Variants in AFF2 observed in about 807,000 individuals in gnomAD.
AFF2 encodes the protein ALF transcription elongation factor 2.
In AFF2, 14 loss-of-function variants were observed where a neutral mutation model predicts 76.9. The ratio of observed to expected loss-of-function variants is 0.18; its 90% CI spans 0.12 to 0.28. The LOEUF (loss-of-function observed/expected upper bound fraction) is 0.28. AFF2 is among the 10% of genes least tolerant of loss of function. The pLI is 1.00. For missense variants in AFF2, 868 were observed against 1,001.1 expected (o/e 0.87, Z 1.79); for synonymous variants, 398 against 366.7 (o/e 1.09, Z -0.98).
intron 15 of AFF2, 106 bp from the exon 16 acceptor site, chrX:148,973,365 G>T (rs890942029): frequency 1.0e-6 from 1 of 995,307 alleles, no homozygotes; most frequent in Non-Finnish European, 1.4e-6. Flanking sequence ...ATTGCCAAAT[G>T]TTCCCTGTGG....
chrX:148,806,250 G>A (rs973626324), intron 3 of AFF2, among the ~76,000 whole-genome samples: 7 of 112,366 alleles, frequency 6.2e-5, no homozygotes, highest in African/African-American at 1.9e-4. Context: ...ATTTGGGGCC[G>A]AGCCCCAGCC....
At position 148,834,414 on chromosome X, in the gene AFF2, G is replaced by A. The variant is rs2070494382; in HGVS notation, c.1087-3233G>A. 6.3e-5 allele frequency among the ~76,000 whole-genome samples: 7 copies of A among 111,023 alleles called. No individual in the cohort carries two copies. The South Asian group carries it at 2.7e-3, about 43-fold the overall frequency. On this transcript the variant is annotated intron_variant, in intron 4 of 20. Coordinates refer to ENST00000370460, the MANE Select transcript of AFF2 (RefSeq NM_002025.4). ...TTGCCCGTTGGGAATATGAATCCCTGCTTTCTGTCTCTCTCTGTCTCTCTC... is the reference window on the plus strand; with the variant it reads ...TTGCCCGTTGGGAATATGAATCCCTACTTTCTGTCTCTCTCTGTCTCTCTC...
At chrX:148,661,751 C>T (rs892978360) in intron 2 of AFF2, among the ~76,000 whole-genome samples, 157 bp from the exon 3 acceptor site, 2 of 111,209 alleles carry the variant, frequency 1.8e-5, no homozygotes, top group Admixed American at 9.6e-5. Context: ...TTTTTTCTTA[C>T]ATAGCACATG....
At chrX:148,896,507 A>G (rs782288447) in intron 8 of AFF2, among the ~76,000 whole-genome samples, 2 of 112,113 alleles carry the variant, frequency 1.8e-5, no homozygotes, top group African/African-American at 6.5e-5. Context: ...GGCAGCAACT[A>G]TCTTCCAACC....
At chrX:148,540,438 C>G (rs1557237342) in intron 1 of AFF2, among the ~76,000 whole-genome samples, 1 of 99,812 alleles carries the variant, frequency 1.0e-5, no homozygotes, top group African/African-American at 3.8e-5. Context: ...TTCTCAGAAT[C>G]TAAAAATGGA....
At chrX:148,926,469 A>G (rs2071652086) in intron 9 of AFF2, among the ~76,000 whole-genome samples, 2 of 111,519 alleles carry the variant, frequency 1.8e-5, no homozygotes, top group South Asian at 7.6e-4. Flanking sequence ...TGGCCGACTG[A>G]TGGTATAGTT....
At chrX:148,971,028 A>G (rs1305299349) in intron 15 of AFF2, among the ~76,000 whole-genome samples, 1 of 111,206 alleles carries the variant, frequency 9.0e-6, no homozygotes, top group Non-Finnish European at 1.9e-5. Context: ...AACAGCAACA[A>G]CAATGCCACA....
At chrX:148,803,390 G>A (rs2070086133) in intron 3 of AFF2, among the ~76,000 whole-genome samples, 1 of 110,984 alleles carries the variant, frequency 9.0e-6, no homozygotes, top group Non-Finnish European at 1.9e-5. Flanking sequence ...ACCCTACTCA[G>A]CTGGGGTATG....
intron 9 of AFF2, among the ~76,000 whole-genome samples, chrX:148,949,783 T>C (rs1423521228): frequency 8.9e-6 from 1 of 112,628 alleles, no homozygotes; most frequent in African/African-American, 3.2e-5. Flanking sequence ...TCAGACATTA[T>C]GTTTGTTGTA....
intron 3 of AFF2, among the ~76,000 whole-genome samples, chrX:148,748,594 A>G (rs1300929249): frequency 1.8e-5 from 2 of 111,932 alleles, no homozygotes; most frequent in Admixed American, 9.5e-5. Context: ...ATAAGCAGTC[A>G]GTGTGGTACT....
intron 3 of AFF2, among the ~76,000 whole-genome samples, chrX:148,761,259 T>C (rs141101999): frequency 7.2e-5 from 8 of 111,332 alleles, no homozygotes; most frequent in South Asian, 3.8e-4. Flanking sequence ...TTTGGAAACA[T>C]TGAGAGATTT....
intron 3 of AFF2, among the ~76,000 whole-genome samples, chrX:148,703,803 T>TA (rs1315877467): frequency 5.4e-5 from 6 of 111,475 alleles, no homozygotes; most frequent in Non-Finnish European, 7.5e-5. Flanking sequence ...CCACACATAG[T>TA]AAAAAACCCA....
chrX:148,693,701 A>G (rs1325845026), intron 3 of AFF2, among the ~76,000 whole-genome samples: 6 of 111,877 alleles, frequency 5.4e-5, no homozygotes, highest in African/African-American at 2.0e-4. Flanking sequence ...CTGTATATTG[A>G]TATAATTCTC....
At chrX:148,603,497 C>G (rs1217750538) in intron 1 of AFF2, among the ~76,000 whole-genome samples, 1 of 108,282 alleles carries the variant, frequency 9.2e-6, no homozygotes. Flanking sequence ...TTTGAAAACT[C>G]TGATGCCAGT....
intron 4 of AFF2, among the ~76,000 whole-genome samples, chrX:148,836,112 A>G (rs1418380135): frequency 8.9e-6 from 1 of 112,458 alleles, no homozygotes; most frequent in East Asian, 2.8e-4. Flanking sequence ...TGATGAATAC[A>G]TGAGTAGGAT....
At chrX:148,891,190 C>G (rs73640604) in intron 8 of AFF2, among the ~76,000 whole-genome samples, 1,488 of 111,615 alleles carry the variant, frequency 0.013, 33 homozygotes, top group African/African-American at 0.046. Flanking sequence ...TGGCCTGACC[C>G]AGGAGGACAG....
chrX:148,773,396 G>A (rs2069615078), intron 3 of AFF2, among the ~76,000 whole-genome samples: 2 of 110,643 alleles, frequency 1.8e-5, no homozygotes, highest in African/African-American at 6.6e-5. Flanking sequence ...ATCTTCATGA[G>A]AAGAAAGTAA....
intron 1 of AFF2, among the ~76,000 whole-genome samples, chrX:148,628,970 A>G (rs903782559): frequency 2.6e-4 from 29 of 111,653 alleles, no homozygotes; most frequent in African/African-American, 8.9e-4. Flanking sequence ...TCATAGTACT[A>G]TTAGATATAC....
chrX:148,769,281 G>T (rs1422860138), intron 3 of AFF2, among the ~76,000 whole-genome samples: 1 of 111,695 alleles, frequency 9.0e-6, no homozygotes, highest in Non-Finnish European at 1.9e-5. Flanking sequence ...TTCTGAAGAG[G>T]TTCCATTGAA....
Sources: allele counts gnomAD v4.1 joint callset (sites outside exome capture counted in the v4.1 genomes callset), GRCh38; gene constraint gnomAD v4.1.1; transcripts MANE v1.5; gene names NCBI Gene and HGNC (gene_info 2026-07-23, HGNC 2026-07-21).